The following TIAM1 variants were observed in gnomAD, a reference collection of about 807,000 sequenced individuals.
TIAM1 encodes TIAM Rac1 associated GEF 1.
In TIAM1, 65 loss-of-function variants were observed where a neutral mutation model predicts 163.5. The observed-to-expected ratio is 0.40, with a 90% CI of 0.33 to 0.49. TIAM1 has a LOEUF of 0.49. TIAM1 is among the 20% of genes least tolerant of loss of function. TIAM1 has a pLI of 0.77. For synonymous variants in TIAM1, 833 were observed against 810.1 expected, an observed-to-expected ratio of 1.03 and a Z score of -0.48; for missense variants, 1,789 against 2,044.7, an observed-to-expected ratio of 0.87 and a Z score of 2.41.
chr21:31,187,557 C>G (rs946975126), intron 13 of TIAM1, among the ~76,000 whole-genome samples: 4 of 152,270 alleles, frequency 2.6e-5, no homozygotes, highest in Admixed American at 6.5e-5. Context: ...ATTCTGCAAA[C>G]AGGAGCAAGA....
Position 31,186,986 on chromosome 21 carries a change from C to T in TIAM1, c.2662+15G>A. 1 of 1,613,006 alleles carries T rather than the reference C, an allele frequency of 6.2e-7. No homozygotes were observed. The highest frequency in any genetic ancestry group is 1.1e-5 in the South Asian group (1 of 91,054). On this transcript the variant is annotated intron_variant, in intron 14 of 27. Transcript: ENST00000541036. ...CATTTAAGACAGACAGACCAGCCCTCCTTCACTGACTTACCTTTCTTGGAA... is the reference window on the plus strand; with the variant it reads ...CATTTAAGACAGACAGACCAGCCCTTCTTCACTGACTTACCTTTCTTGGAA...
At chr21:31,311,445 G>A (rs142032794) in intron 2 of TIAM1, among the ~76,000 whole-genome samples, 44 of 152,284 alleles carry the variant, frequency 2.9e-4, no homozygotes, top group African/African-American at 8.9e-4. Flanking sequence ...CAGAATGGAA[G>A]GTGATTTATC....
At chr21:31,558,033 G>C (rs1326825583) in intron 1 of TIAM1, among the ~76,000 whole-genome samples, 1 of 152,178 alleles carries the variant, frequency 6.6e-6, no homozygotes, top group East Asian at 1.9e-4. Flanking sequence ...TCACCTGACA[G>C]CGCGCAACAA....
At chr21:31,534,840 G>A (rs1282802103) in intron 1 of TIAM1, among the ~76,000 whole-genome samples, 1 of 152,028 alleles carries the variant, frequency 6.6e-6, no homozygotes, top group Non-Finnish European at 1.5e-5. Context: ...ATTAATCCAG[G>A]GCCAGGCATG....
At chr21:31,413,053 G>T (rs1015856879) in intron 2 of TIAM1, among the ~76,000 whole-genome samples, 1 of 151,998 alleles carries the variant, frequency 6.6e-6, no homozygotes, top group Non-Finnish European at 1.5e-5. Context: ...TGCAATCTAT[G>T]CATGTAACAA....
chr21:31,398,729 G>C (rs2077114503), intron 2 of TIAM1, among the ~76,000 whole-genome samples: 1 of 152,218 alleles, frequency 6.6e-6, no homozygotes, highest in Admixed American at 6.5e-5. Flanking sequence ...ATCTAAGCAG[G>C]CTTCCGTCTG....
At chr21:31,234,150 C>A (rs1041914510) in intron 6 of TIAM1, among the ~76,000 whole-genome samples, 1 of 151,956 alleles carries the variant, frequency 6.6e-6, no homozygotes, top group South Asian at 2.1e-4. Context: ...CTAAAGCACA[C>A]AGGAGAAAAT....
At chr21:31,174,109 G>T (rs1175296107) in intron 15 of TIAM1, among the ~76,000 whole-genome samples, 2 of 152,204 alleles carry the variant, frequency 1.3e-5, no homozygotes, top group African/African-American at 4.8e-5. Flanking sequence ...TTGTTTGTGG[G>T]AAGAGAAATC....
At chr21:31,463,635 T>C (rs928176418) in intron 2 of TIAM1, among the ~76,000 whole-genome samples, 1 of 151,834 alleles carries the variant, frequency 6.6e-6, no homozygotes, top group Non-Finnish European at 1.5e-5. Flanking sequence ...CTGGCCAACA[T>C]GACGAGACCT....
chr21:31,163,900 C>T (rs8130947), intron 16 of TIAM1, among the ~76,000 whole-genome samples: 1 of 152,126 alleles, frequency 6.6e-6, no homozygotes, highest in African/African-American at 2.4e-5. Context: ...GAGAAATATA[C>T]ATATCTCAAC....
rs111964599 is a variant in TIAM1 at position 31,285,186 on chromosome 21, AC to A, written c.-188-8279del. 2.7e-5 allele frequency among the ~76,000 whole-genome samples: 4 copies of A among 150,842 alleles called. No individual in the cohort carries two copies. In the East Asian group the frequency reaches 7.8e-4, roughly 29 times the overall value. On this transcript the variant is annotated intron_variant, in intron 2 of 27. Coordinates refer to ENST00000541036, the MANE Select transcript of TIAM1 (RefSeq NM_001353694.2). ...CAGCTATGATTTCATTCCCCAAGCCACCCCCCCAAGCCAATTCCCAACCCAT... is the reference window on the plus strand; with the variant it reads ...CAGCTATGATTTCATTCCCCAAGCCACCCCCCAAGCCAATTCCCAACCCAT...
In TIAM1 at chr21:31,443,757, T is replaced by C. The variant is rs140864738; in HGVS notation, c.-369+20226A>G. ...CAAAAAGAATCATATTTTATAGCCA[T>C]GGTTTCTACAATGAGCCCTGAACTA... is the stretch of plus-strand genomic sequence containing the variant. On this transcript the variant is annotated intron_variant, in intron 2 of 28. Transcript: ENST00000286827. Among the ~76,000 whole-genome samples the C allele has an allele frequency of 1.7e-3, 259 of 152,352 alleles. 2 individuals carry two copies. The highest frequency in any genetic ancestry group is 5.8e-3 in the African/African-American group (241 of 41,590).
At chr21:31,203,267 C>T (rs2086293094) in intron 11 of TIAM1, among the ~76,000 whole-genome samples, 1 of 152,076 alleles carries the variant, frequency 6.6e-6, no homozygotes, top group Non-Finnish European at 1.5e-5. Context: ...GGATTACAGG[C>T]GCCCACCACC....
intron 25 of TIAM1, among the ~76,000 whole-genome samples, chr21:31,128,456 G>A (rs1046747164): frequency 3.3e-5 from 5 of 152,112 alleles, no homozygotes; most frequent in Admixed American, 6.5e-5. Context: ...ACTCCTCAAC[G>A]CAGGCGAAAT....
At chr21:31,160,725 C>A (rs1022049079) in intron 16 of TIAM1, 1 of 383,012 alleles carries the variant, frequency 2.6e-6, no homozygotes, top group Admixed American at 4.5e-5. Context: ...AGGACAGCGA[C>A]GGTGAGACCC....
At chr21:31,144,577 G>A (rs763436085) in intron 20 of TIAM1, among the ~76,000 whole-genome samples, 10 of 151,950 alleles carry the variant, frequency 6.6e-5, no homozygotes, top group African/African-American at 4.8e-5. Flanking sequence ...CCTGTAATCC[G>A]AGCACTCCGG....
At chr21:31,555,177 G>A (rs1451869873) in intron 1 of TIAM1, among the ~76,000 whole-genome samples, 2 of 143,814 alleles carry the variant, frequency 1.4e-5, no homozygotes, top group African/African-American at 2.6e-5. Flanking sequence ...TGATGAGAGA[G>A]AATTTGTTCT....
chr21:31,496,648 G>T (rs1262892675), intron 1 of TIAM1, among the ~76,000 whole-genome samples: 2 of 151,916 alleles, frequency 1.3e-5, no homozygotes, highest in African/African-American at 2.4e-5. Context: ...TAGCCTAAGT[G>T]TCCAATATTT....
intron 1 of TIAM1, among the ~76,000 whole-genome samples, chr21:31,534,598 C>T (rs1372247205): frequency 6.6e-6 from 1 of 152,070 alleles, no homozygotes; most frequent in Non-Finnish European, 1.5e-5. Context: ...TTGTTGAACC[C>T]GGGAGGCAGA....
Sources: allele counts gnomAD v4.1 joint callset (sites outside exome capture counted in the v4.1 genomes callset), GRCh38; gene constraint gnomAD v4.1.1; transcripts MANE v1.5; gene names NCBI Gene and HGNC (gene_info 2026-07-23, HGNC 2026-07-21).